MCTP1: variants seen among roughly 807,000 people sequenced by gnomAD.
The protein encoded by MCTP1 is multiple C2 and transmembrane domain-containing protein 1.
A neutral mutation model predicts 120.6 loss-of-function variants in MCTP1; 69 were observed. That is an observed-to-expected ratio of 0.57 (90% confidence interval 0.47 to 0.70). MCTP1 has a LOEUF of 0.70. Ranked by LOEUF, MCTP1 falls within the 30% of genes least tolerant of loss-of-function variation. The pLI is 0.00. For synonymous variants in MCTP1, 529 were observed against 493.1 expected (o/e 1.07, Z -0.96); for missense variants, 1,203 against 1,248.8 (o/e 0.96, Z 0.55).
chr5:95,079,817 T>G (rs1221451946), intron 1 of MCTP1, among the ~76,000 whole-genome samples: 2 of 152,172 alleles, frequency 1.3e-5, no homozygotes, highest in East Asian at 3.9e-4. Context: ...ACAAGAAAAC[T>G]TTTAATTAAT....
rs1328597060 is a variant in MCTP1 at position 95,231,005 on chromosome 5, G to GA, written c.720+52850dup. 3.9e-5 allele frequency among the ~76,000 whole-genome samples: 6 copies of GA among 152,262 alleles called. No homozygotes were observed. In the South Asian group the frequency reaches 8.3e-4, roughly 21 times the overall value. On this transcript the variant is annotated intron_variant, in intron 1 of 22. Coordinates refer to ENST00000515393, the MANE Select transcript of MCTP1 (RefSeq NM_024717.7). ...AGAATGCAAATAGAGGTAGAGGATG[G>GA]AAATGGCTATTGACATTGCTGTTAG... is the stretch of plus-strand genomic sequence containing the variant.
rs138074979 is a variant in MCTP1 at position 95,080,511 on chromosome 5, A to G, written c.721-63027T>C. ...AGCAGACACATTTTTGAAAACCTCAAGTCGTTAATATCTTACTAATTCAGT... is the reference window on the plus strand; with the variant it reads ...AGCAGACACATTTTTGAAAACCTCAGGTCGTTAATATCTTACTAATTCAGT... On this transcript the variant is annotated intron_variant, in intron 1 of 22. Transcript: ENST00000515393. Among the ~76,000 whole-genome samples the G allele has an allele frequency of 1.4e-4, 21 of 152,314 alleles. No individual in the cohort carries two copies. The East Asian group carries it at 2.5e-3, about 18-fold the overall frequency.
intron 1 of MCTP1, among the ~76,000 whole-genome samples, chr5:95,022,444 T>G (rs1014959767): frequency 6.6e-6 from 1 of 152,202 alleles, no homozygotes; most frequent in Non-Finnish European, 1.5e-5. Flanking sequence ...ACTAGCACTT[T>G]ATATCTTTAT....
chr5:94,845,347 T>C (rs1224287197), intron 17 of MCTP1, among the ~76,000 whole-genome samples: 1 of 152,046 alleles, frequency 6.6e-6, no homozygotes, highest in Non-Finnish European at 1.5e-5. Context: ...AACCATCAGA[T>C]CTTGTGACAC....
chr5:94,817,363 G>A (rs961437889), intron 17 of MCTP1, among the ~76,000 whole-genome samples: 2 of 152,186 alleles, frequency 1.3e-5, no homozygotes, highest in South Asian at 2.1e-4. Flanking sequence ...AGCCGAGATC[G>A]CGCCACTGCT....
At position 94,790,228 on chromosome 5, in the gene MCTP1, G is replaced by A. The variant is rs186885091; in HGVS notation, c.2556+8785C>T. Among the ~76,000 whole-genome samples the A allele has an allele frequency of 2.6e-5, 4 of 152,310 alleles. No individual in the cohort carries two copies. The East Asian group carries it at 7.7e-4, about 29-fold the overall frequency. ...GTCAGACGAGACACATTAAGGAGGT[G>A]AACCCAAAGTGCATAAAACAAGAAA... is the stretch of plus-strand genomic sequence containing the variant. On this transcript the variant is annotated intron_variant, in intron 18 of 22. Coordinates refer to ENST00000515393, the MANE Select transcript of MCTP1 (RefSeq NM_024717.7).
At chr5:94,902,774 G>A (rs959797144) in intron 10 of MCTP1, among the ~76,000 whole-genome samples, 1 of 152,088 alleles carries the variant, frequency 6.6e-6, no homozygotes, top group African/African-American at 2.4e-5. Flanking sequence ...TGCTGTTATT[G>A]CCTTTCTGTT....
chr5:94,942,280 G>T, intron 4 of MCTP1, 68 bp downstream of exon 4: 1 of 1,187,500 alleles, frequency 8.4e-7, no homozygotes, highest in Non-Finnish European at 1.2e-6. Flanking sequence ...CAGATCAGCT[G>T]ACATTTTCTG....
chr5:94,816,008 A>T (rs1399984060), intron 17 of MCTP1, among the ~76,000 whole-genome samples: 1 of 152,190 alleles, frequency 6.6e-6, no homozygotes, highest in Non-Finnish European at 1.5e-5. Context: ...GATGGGGAGG[A>T]AAAGCCTAAA....
chr5:94,888,907 C>A lies in MCTP1; in HGVS notation c.1905G>T (p.Ala635=), dbSNP rs571380057. The A allele has an allele frequency of 1.2e-6, 2 of 1,613,718 alleles. No individual in the cohort carries two copies. Among genetic ancestry groups the A allele is most frequent in the East Asian group, 2.2e-5 (1 of 44,866 alleles). ...TGACGTCGGCAGCCATTAACCCTTC[C>A]GCTCTGATGACTTTCACCTGGAGAA... ...VGFLQVKVIR[A]EGLMAADVTG... The change falls in exon 12 of 23, where the codon GCG becomes GCT. Residue 635 remains alanine, a synonymous_variant. Transcript: ENST00000515393.
At chr5:94,911,209 C>T (rs1808475499) in intron 9 of MCTP1, among the ~76,000 whole-genome samples, 1 of 152,106 alleles carries the variant, frequency 6.6e-6, no homozygotes, top group African/African-American at 2.4e-5. Context: ...AATAAATGCC[C>T]ATCAGAATGG....
intron 1 of MCTP1, among the ~76,000 whole-genome samples, chr5:95,160,852 A>G (rs1299531653): frequency 6.6e-6 from 1 of 152,210 alleles, no homozygotes; most frequent in Non-Finnish European, 1.5e-5. Flanking sequence ...TATGAAAAAA[A>G]TGCCTATCAC....
chr5:95,010,474 C>T (rs1458723308), intron 2 of MCTP1, among the ~76,000 whole-genome samples: 1 of 152,180 alleles, frequency 6.6e-6, no homozygotes, highest in African/African-American at 2.4e-5. Flanking sequence ...ATAATACTAT[C>T]TATCTAATCG....
intron 19 of MCTP1, among the ~76,000 whole-genome samples, chr5:94,727,067 G>C (rs1762273500): frequency 1.3e-5 from 2 of 152,076 alleles, no homozygotes; most frequent in African/African-American, 2.4e-5. Context: ...TTCTAAAAAG[G>C]CACATCTGTT....
chr5:94,881,799 T>A (rs1800141476), intron 12 of MCTP1, among the ~76,000 whole-genome samples: 1 of 152,202 alleles, frequency 6.6e-6, no homozygotes, highest in African/African-American at 2.4e-5. Flanking sequence ...GTTGTCATTA[T>A]TATTGTTATT....
intron 1 of MCTP1, among the ~76,000 whole-genome samples, chr5:95,114,551 G>A (rs906058434): frequency 5.3e-5 from 8 of 152,184 alleles, no homozygotes; most frequent in South Asian, 2.1e-4. Context: ...GGTGGCCACC[G>A]GGTGAGGCTC....
chr5:95,278,950 A>G (rs1041748461), intron 1 of MCTP1, among the ~76,000 whole-genome samples: 2 of 151,130 alleles, frequency 1.3e-5, no homozygotes, highest in Non-Finnish European at 2.9e-5. Context: ...CAACAAGAGC[A>G]AAACTCCGTC....
chr5:95,277,222 G>A (rs1467290684), intron 1 of MCTP1, among the ~76,000 whole-genome samples: 7 of 152,206 alleles, frequency 4.6e-5, no homozygotes, highest in Middle Eastern at 6.8e-3. Flanking sequence ...TCCCTGACCC[G>A]GAGACCTCAG....
chr5:94,741,610 C>A (rs754920452), intron 19 of MCTP1, among the ~76,000 whole-genome samples: 4 of 152,176 alleles, frequency 2.6e-5, no homozygotes, highest in African/African-American at 9.7e-5. Flanking sequence ...CTGCTAAGAG[C>A]ATGATTTTAA....
Sources: gnomAD v4.1 joint callset for allele counts (sites outside exome capture counted in the v4.1 genomes callset) on GRCh38, gnomAD v4.1.1 for gene constraint, MANE v1.5 for transcripts, NCBI Gene and HGNC (gene_info 2026-07-23, HGNC 2026-07-21) for gene names.